Variants in PDE10A observed in about 807,000 individuals in gnomAD.
PDE10A encodes phosphodiesterase 10A.
In PDE10A, 39 loss-of-function variants were observed where a neutral mutation model predicts 97.7. That is an observed-to-expected ratio of 0.40 (90% CI 0.31 to 0.52). The LOEUF is 0.52. PDE10A is among the 20% of genes least tolerant of loss of function. The pLI is 0.56. For missense variants in PDE10A, 731 were observed against 1,047.8 expected (o/e 0.70, Z 4.17); for synonymous variants, 371 against 376.8 (o/e 0.98, Z 0.18).
chr6:165,761,291 T>A (rs1269255575), intron 1 of PDE10A, among the ~76,000 whole-genome samples: 1 of 152,222 alleles, frequency 6.6e-6, no homozygotes, highest in Non-Finnish European at 1.5e-5. Context: ...AATATCCTAC[T>A]ATCCTACTGT....
intron 1 of PDE10A, among the ~76,000 whole-genome samples, chr6:165,796,668 A>G (rs368434302): frequency 1.3e-5 from 2 of 151,848 alleles, no homozygotes; most frequent in East Asian, 3.9e-4. Context: ...TCTACAATCA[A>G]CTCTCCTCAA....
rs147064504 is a variant in PDE10A at position 165,356,121 on chromosome 6, A to T, written c.2784-12619T>A. ...GTGAGAATTCATTCACTATCATGAG[A>T]ATGGCAAAGGGAAAATCTGTCCCCA... On this transcript the variant is annotated intron_variant, in intron 18 of 21. Transcript: ENST00000539869. Among the ~76,000 whole-genome samples, 117 of 152,218 alleles carry T rather than the reference A, an allele frequency of 7.7e-4. 1 individual carries two copies. The highest frequency in any genetic ancestry group is 2.6e-3 in the African/African-American group (109 of 41,552).
intron 10 of PDE10A, among the ~76,000 whole-genome samples, chr6:165,423,067 G>A (rs1374624439): frequency 1.3e-5 from 2 of 152,132 alleles, no homozygotes; most frequent in Non-Finnish European, 2.9e-5. Flanking sequence ...ACAGCTGTCA[G>A]GGCTATTGCT....
intron 1 of PDE10A, among the ~76,000 whole-genome samples, chr6:165,793,844 G>A (rs546230938): frequency 6.6e-6 from 1 of 152,334 alleles, no homozygotes; most frequent in Admixed American, 6.5e-5. Flanking sequence ...TGTGCACACA[G>A]TGACAGTAAC....
chr6:165,443,111 CAAAAAA>C (rs149435215), intron 5 of PDE10A, among the ~76,000 whole-genome samples: 1 of 60,372 alleles, frequency 1.7e-5, no homozygotes, highest in African/African-American at 6.6e-5. Context: ...GGCTCTGTCT[CAAAAAA>C]AAAAAAAAAA....
intron 1 of PDE10A, among the ~76,000 whole-genome samples, chr6:165,849,882 ATC>A (rs1780529612): frequency 6.6e-6 from 1 of 152,170 alleles, no homozygotes; most frequent in Non-Finnish European, 1.5e-5. Flanking sequence ...TCTCCTCCCA[ATC>A]TCTGCAACTC....
intron 1 of PDE10A, among the ~76,000 whole-genome samples, chr6:165,834,096 G>A (rs1780005539): frequency 6.6e-6 from 1 of 152,350 alleles, no homozygotes; most frequent in African/African-American, 2.4e-5. Flanking sequence ...TGAGCTGGAA[G>A]GAGCTTAGGG....
At chr6:165,762,772 T>A (rs1793282331) in intron 1 of PDE10A, among the ~76,000 whole-genome samples, 1 of 152,192 alleles carries the variant, frequency 6.6e-6, no homozygotes. Context: ...CTGGGACATA[T>A]ATTTGGCTTT....
chr6:165,448,467 A>G (rs1215357848), intron 5 of PDE10A, among the ~76,000 whole-genome samples: 2 of 152,180 alleles, frequency 1.3e-5, no homozygotes, highest in African/African-American at 4.8e-5. Context: ...ACAGTAAGGC[A>G]GCTTAGGGAT....
At chr6:165,801,070 A>G (rs755937895) in intron 1 of PDE10A, among the ~76,000 whole-genome samples, 14 of 152,250 alleles carry the variant, frequency 9.2e-5, no homozygotes, top group Non-Finnish European at 1.8e-4. Flanking sequence ...ACTTGGGATC[A>G]TCAGTGCTTC....
chr6:165,848,586 C>A (rs1037017306), intron 1 of PDE10A, among the ~76,000 whole-genome samples: 1 of 152,102 alleles, frequency 6.6e-6, no homozygotes, highest in Non-Finnish European at 1.5e-5. Flanking sequence ...ACAGAACAGC[C>A]CTGGCATGAA....
intron 9 of PDE10A, 74 bp downstream of exon 9, chr6:165,430,213 A>G: frequency 9.6e-7 from 1 of 1,040,886 alleles, no homozygotes; most frequent in Admixed American, 2.0e-5. Flanking sequence ...ACAATGGTCT[A>G]TTTCTGCCAC....
chr6:165,757,270 T>C (rs569670363), intron 1 of PDE10A, among the ~76,000 whole-genome samples: 3 of 152,190 alleles, frequency 2.0e-5, no homozygotes, highest in Non-Finnish European at 4.4e-5. Flanking sequence ...CCTAGGATGC[T>C]AGTCTTTTTC....
intron 1 of PDE10A, among the ~76,000 whole-genome samples, chr6:165,854,565 G>A (rs1031391989): frequency 6.6e-5 from 10 of 152,134 alleles, no homozygotes; most frequent in Non-Finnish European, 1.2e-4. Flanking sequence ...CTCCCAGGGC[G>A]GCACAGAGGG....
chr6:165,469,650 A>C (rs532816002), intron 3 of PDE10A, among the ~76,000 whole-genome samples: 2 of 152,072 alleles, frequency 1.3e-5, no homozygotes, highest in Admixed American at 1.3e-4. Context: ...CTGGGTGAGA[A>C]GTTATCATCA....
chr6:165,620,628 G>A (rs1332679314), intron 1 of PDE10A, among the ~76,000 whole-genome samples: 1 of 152,196 alleles, frequency 6.6e-6, no homozygotes, highest in African/African-American at 2.4e-5. Flanking sequence ...GAGGAAGGCA[G>A]GCCACTGCTT....
intron 10 of PDE10A, among the ~76,000 whole-genome samples, chr6:165,419,965 T>C (rs1340850160): frequency 6.6e-6 from 1 of 152,220 alleles, no homozygotes; most frequent in Non-Finnish European, 1.5e-5. Flanking sequence ...TATTACACTA[T>C]TACATGTTTG....
At chr6:165,451,920 A>C (rs1791323613) in intron 3 of PDE10A, among the ~76,000 whole-genome samples, 1 of 152,228 alleles carries the variant, frequency 6.6e-6, no homozygotes, top group South Asian at 2.1e-4. Flanking sequence ...AGGTTGGCTG[A>C]AATCTGTTCC....
At chr6:165,637,309 C>T (rs1039185767) in intron 1 of PDE10A, among the ~76,000 whole-genome samples, 3 of 152,124 alleles carry the variant, frequency 2.0e-5, no homozygotes, top group Admixed American at 2.0e-4. Context: ...ACCACCTATA[C>T]CATACTAGGA....
Sources: allele counts gnomAD v4.1 joint callset (sites outside exome capture counted in the v4.1 genomes callset), GRCh38; gene constraint gnomAD v4.1.1; transcripts MANE v1.5; gene names NCBI Gene and HGNC (gene_info 2026-07-23, HGNC 2026-07-21).